CNTNAP4: variants seen among roughly 807,000 people sequenced by gnomAD.
CNTNAP4 encodes the protein contactin associated protein family member 4, also known as contactin-associated protein-like 4.
Under a neutral mutation model 148.4 loss-of-function variants are expected in CNTNAP4, and 98 were observed. The ratio of observed to expected loss-of-function variants is 0.66; its 90% CI spans 0.56 to 0.78. CNTNAP4 has a LOEUF of 0.78. Among genes scored for constraint, CNTNAP4 ranks in the 30% least tolerant of loss-of-function variants. The pLI is 0.00. For missense variants in CNTNAP4, 1,935 were observed against 1,565.6 expected, an observed-to-expected ratio of 1.24 and a Z score of -3.98; for synonymous variants, 730 against 565.1, an observed-to-expected ratio of 1.29 and a Z score of -4.14.
At chr16:76,537,276 C>G (rs1410235046) in intron 18 of CNTNAP4, among the ~76,000 whole-genome samples, 2 of 152,054 alleles carry the variant, frequency 1.3e-5, no homozygotes, top group Admixed American at 1.3e-4. Context: ...CAATTAAAAA[C>G]TCTAAGATGT....
chr16:76,335,802 G>T (rs903385222), intron 2 of CNTNAP4, among the ~76,000 whole-genome samples: 1 of 152,276 alleles, frequency 6.6e-6, no homozygotes, highest in African/African-American at 2.4e-5. Context: ...TGGGGGTGCC[G>T]AGAAGCACAG....
At chr16:76,425,719 A>G (rs1288939888) in intron 3 of CNTNAP4, among the ~76,000 whole-genome samples, 2 of 152,214 alleles carry the variant, frequency 1.3e-5, no homozygotes, top group Admixed American at 6.5e-5. Context: ...AAGAACTTTC[A>G]GAGCAGAATG....
intron 4 of CNTNAP4, among the ~76,000 whole-genome samples, chr16:76,440,111 A>T (rs773856889): frequency 3.9e-5 from 6 of 152,146 alleles, no homozygotes; most frequent in Non-Finnish European, 5.9e-5. Context: ...GGCTGACTTC[A>T]TTTTTAACTA....
At chr16:76,281,385 A>G (rs901766017) in intron 1 of CNTNAP4, among the ~76,000 whole-genome samples, 1 of 151,998 alleles carries the variant, frequency 6.6e-6, no homozygotes, top group African/African-American at 2.4e-5. Flanking sequence ...ATGGTGATTT[A>G]TTTTCATCTA....
chr16:76,376,907 T>TGTGTGTGTGTGTGTGTG (rs2015471306), intron 3 of CNTNAP4, among the ~76,000 whole-genome samples: 4 of 143,444 alleles, frequency 2.8e-5, no homozygotes, highest in African/African-American at 1.0e-4. Context: ...CTAACAAGGT[T>TGTGTGTGTGTGTGTGTG]TGTGTGTGTG....
chr16:76,314,309 C>T (rs547419328), intron 1 of CNTNAP4, among the ~76,000 whole-genome samples: 7 of 152,232 alleles, frequency 4.6e-5, no homozygotes, highest in African/African-American at 1.2e-4. Context: ...GCTTTCAGAG[C>T]GAGTCCGCAG....
At chr16:76,521,456 T>C (rs995182142) in intron 16 of CNTNAP4, 146 bp downstream of exon 16, 2 of 583,890 alleles carry the variant, frequency 3.4e-6, no homozygotes, top group East Asian at 6.1e-5. Flanking sequence ...TATTAACTTA[T>C]CCTGTTTGTA....
At chr16:76,387,101 GT>G (rs2016577730) in intron 3 of CNTNAP4, among the ~76,000 whole-genome samples, 1 of 152,110 alleles carries the variant, frequency 6.6e-6, no homozygotes, top group African/African-American at 2.4e-5. Context: ...AGTGAAACCT[GT>G]GTCAGATTTT....
chr16:76,470,110 A>G (rs554309579), intron 10 of CNTNAP4, among the ~76,000 whole-genome samples: 14 of 152,196 alleles, frequency 9.2e-5, no homozygotes, highest in Admixed American at 2.0e-4. Flanking sequence ...TTTGTTTCCT[A>G]TAAGTATGGA....
chr16:76,406,927 GA>G (rs1369107740), intron 3 of CNTNAP4, among the ~76,000 whole-genome samples: 1 of 152,138 alleles, frequency 6.6e-6, no homozygotes, highest in Non-Finnish European at 1.5e-5. Context: ...ATGTAGCTAA[GA>G]TCATAGGTAA....
intron 4 of CNTNAP4, among the ~76,000 whole-genome samples, chr16:76,441,960 C>T (rs967250707): frequency 1.3e-5 from 2 of 152,110 alleles, no homozygotes; most frequent in East Asian, 3.9e-4. Context: ...GGTTAAGTAA[C>T]TCACTGTGAT....
intron 2 of CNTNAP4, among the ~76,000 whole-genome samples, chr16:76,352,569 C>T (rs1365644889): frequency 1.3e-5 from 2 of 152,152 alleles, no homozygotes; most frequent in Non-Finnish European, 2.9e-5. Flanking sequence ...TGTTCAAACT[C>T]TTTGTATCTG....
chr16:76,548,715 A>G (rs2084842795), intron 21 of CNTNAP4, among the ~76,000 whole-genome samples: 1 of 152,122 alleles, frequency 6.6e-6, no homozygotes, highest in African/African-American at 2.4e-5. Flanking sequence ...AAACACCTAA[A>G]ACATGACTGT....
chr16:76,532,527 G>A (rs1205619529), intron 17 of CNTNAP4, among the ~76,000 whole-genome samples: 1 of 152,196 alleles, frequency 6.6e-6, no homozygotes, highest in Non-Finnish European at 1.5e-5. Flanking sequence ...GTGAGTTAGG[G>A]AGACTGTGCA....
At chr16:76,303,590 C>G (rs1960196358) in intron 1 of CNTNAP4, among the ~76,000 whole-genome samples, 2 of 152,152 alleles carry the variant, frequency 1.3e-5, no homozygotes, top group African/African-American at 4.8e-5. Context: ...GTGTGAATTT[C>G]TAACTGTATC....
At chr16:76,521,943 C>T (rs1354530319) in intron 16 of CNTNAP4, 96 bp from the exon 17 acceptor site, 29 of 1,081,932 alleles carry the variant, frequency 2.7e-5, no homozygotes, top group Non-Finnish European at 3.1e-5. Context: ...TTCTGTTCAG[C>T]GATTGTTACG....
At chr16:76,403,089 G>GTTTTT (rs1194979868) in intron 3 of CNTNAP4, among the ~76,000 whole-genome samples, 3 of 148,636 alleles carry the variant, frequency 2.0e-5, no homozygotes, top group African/African-American at 7.8e-5. Flanking sequence ...TTGTTGTTGG[G>GTTTTT]TTTTATTTTT....
rs182446426 is a variant in CNTNAP4, at chr16:76,538,202, G to A, written c.3082G>A (p.Ala1028Thr). The A allele has an allele frequency of 3.9e-4, 625 of 1,606,410 alleles. 2 individuals are homozygous for A. The highest frequency in any genetic ancestry group is 1.3e-3 in the South Asian group (120 of 89,884). The change falls in exon 19 of 24, where the codon GCT becomes ACT. Residue 1028 changes from alanine (A) to threonine (T), a missense_variant. Coordinates refer to ENST00000611870, the MANE Select transcript of CNTNAP4 (RefSeq NM_033401.5). ...TTTAAGTAAAAACTCCAGCTCCCAC[G>A]CTGCTTCATTTCATGGTGATATGAA... is the stretch of plus-strand genomic sequence containing the variant. ...YLLSKNSSSH[A>T]ASFHGDMKLS...
At chr16:76,485,500 C>T (rs1346421854) in intron 12 of CNTNAP4, among the ~76,000 whole-genome samples, 1 of 152,120 alleles carries the variant, frequency 6.6e-6, no homozygotes, top group Non-Finnish European at 1.5e-5. Context: ...ATGATTGTTC[C>T]AGAGGGGAGA....
Sources: allele counts gnomAD v4.1 joint callset (sites outside exome capture counted in the v4.1 genomes callset), GRCh38; gene constraint gnomAD v4.1.1; transcripts MANE v1.5; gene names NCBI Gene and HGNC (gene_info 2026-07-23, HGNC 2026-07-21).